GALNS: variants seen among roughly 807,000 people sequenced by gnomAD.
The protein encoded by GALNS is N-acetylgalactosamine-6-sulfatase.
In GALNS, 65 loss-of-function variants were observed where a neutral mutation model predicts 65.9. The observed-to-expected ratio is 0.99, with a 90% CI of 0.81 to 1.21. The LOEUF is 1.21. Among genes scored for constraint, GALNS ranks in the 50% most tolerant of loss-of-function variants. The pLI is 0.00. For synonymous variants in GALNS, 346 were observed against 288.9 expected (o/e 1.20, Z -2.00); for missense variants, 776 against 700.7 (o/e 1.11, Z -1.21).
chr16:88,850,496 T>C (rs1483319320), intron 1 of GALNS, among the ~76,000 whole-genome samples: 2 of 152,128 alleles, frequency 1.3e-5, no homozygotes, highest in African/African-American at 4.8e-5. Flanking sequence ...CAGAAAATAC[T>C]GCGGGGAGGA....
At chr16:88,819,724 C>A (rs1027329011) in intron 12 of GALNS, among the ~76,000 whole-genome samples, 1 of 152,024 alleles carries the variant, frequency 6.6e-6, no homozygotes, top group African/African-American at 2.4e-5. Flanking sequence ...GAGAGAGTCT[C>A]GCGCTGTCAC....
intron 1 of GALNS, among the ~76,000 whole-genome samples, chr16:88,853,607 C>T (rs566560773): frequency 2.6e-5 from 4 of 152,304 alleles, no homozygotes; most frequent in South Asian, 2.1e-4. Context: ...GTGCTGCTCG[C>T]CCTGGGAGGC....
intron 1 of GALNS, chr16:88,843,144 C>A (rs1967065822): frequency 1.4e-6 from 2 of 1,424,232 alleles, no homozygotes; most frequent in Non-Finnish European, 1.9e-6. Context: ...CTGCCTCCTC[C>A]CAGCCTGACA....
chr16:88,842,586 C>G lies in GALNS; in HGVS notation c.244+120G>C, dbSNP rs561874894. On this transcript the variant is annotated intron_variant, in intron 2 of 13. Transcript: ENST00000268695. ...GGCCTGAGCCCACCTGCCACCCTCC[C>G]TGCAGTAGTAGGAATAGACAAGGTT... 235 of 1,277,594 alleles carry G rather than the reference C, an allele frequency of 1.8e-4. No individual in the cohort carries two copies. The East Asian group carries it at 5.9e-3, about 32-fold the overall frequency. 79.1% of individuals were successfully genotyped at this position (1,277,594 alleles called of 1,614,324 possible).
rs2143002474 is a variant in GALNS at position 88,837,766 on chromosome 16, C to T, written c.423-1G>A. ...GAACTGGGGCCTGTGACCCAGATGC[C>T]TGGAAACAGGAACCCAGGACACTTC... is the stretch of plus-strand genomic sequence containing the variant. On this transcript the variant is annotated splice_acceptor_variant, in intron 4 of 13. Coordinates refer to ENST00000268695, the MANE Select transcript of GALNS (RefSeq NM_000512.5). LOFTEE classifies it high-confidence loss of function. 6.2e-7 allele frequency: 1 copy of T among 1,613,940 alleles called. No individual in the cohort carries two copies. The highest frequency in any genetic ancestry group is 1.1e-5 in the South Asian group (1 of 91,084).
intron 1 of GALNS, among the ~76,000 whole-genome samples, chr16:88,846,509 C>CTTTTTTTTTTTTTTT (rs59223444): frequency 1.1e-5 from 1 of 88,696 alleles, no homozygotes; most frequent in Non-Finnish European, 2.1e-5. Context: ...GCGTTTCTGG[C>CTTTTTTTTTTTTTTT]TTTTTTTTTT....
chr16:88,849,350 T>C (rs1484974031), intron 1 of GALNS, among the ~76,000 whole-genome samples: 2 of 152,136 alleles, frequency 1.3e-5, no homozygotes, highest in Non-Finnish European at 2.9e-5. Flanking sequence ...AGTGGCGTGG[T>C]CTTGGCTCAC....
chr16:88,837,538 G>A, intron 5 of GALNS, 84 bp downstream of exon 5: 1 of 1,442,402 alleles, frequency 6.9e-7, no homozygotes, highest in Non-Finnish European at 9.7e-7. Context: ...GGCGACTTGA[G>A]CCCACCAGTG....
intron 10 of GALNS, among the ~76,000 whole-genome samples, chr16:88,825,757 C>T (rs1177920646): frequency 6.6e-6 from 1 of 152,056 alleles, no homozygotes. Flanking sequence ...GAGTCAGGAA[C>T]GGGGAGTGGG....
intron 10 of GALNS, among the ~76,000 whole-genome samples, chr16:88,825,573 GGGCA>G (rs1910798184): frequency 3.5e-5 from 3 of 84,640 alleles, no homozygotes; most frequent in Admixed American, 2.6e-4. Flanking sequence ...TGGGATTCCT[GGGCA>G]GCTGGGGCTG....
At chr16:88,826,164 C>T (rs1349745549) in intron 10 of GALNS, among the ~76,000 whole-genome samples, 2 of 147,068 alleles carry the variant, frequency 1.4e-5, no homozygotes. Flanking sequence ...GCAGCGTGTG[C>T]CCGGGCTACA....
rs986135484 is a variant in GALNS at position 88,813,891 on chromosome 16, C to T, written c.*548G>A. Reference sequence around the variant, plus strand: ...TGGAAGTCATCCCTCTGGGGCTCCCCTGAGACAAACGCTTATATGATTGCC... The same window carrying T: ...TGGAAGTCATCCCTCTGGGGCTCCCTTGAGACAAACGCTTATATGATTGCC... On this transcript the variant is annotated 3_prime_UTR_variant, in exon 14 of 14. Transcript: ENST00000268695. The T allele has an allele frequency of 1.1e-5, 2 of 174,146 alleles. No homozygotes were observed. The highest frequency in any genetic ancestry group is 4.8e-5 in the African/African-American group (2 of 42,070). 10.8% of individuals were successfully genotyped at this position (174,146 alleles called of 1,614,324 possible). A position where few individuals can be genotyped will look rare whatever the true frequency, so the allele number is the denominator to read the frequency against.
chr16:88,851,251 C>G (rs9888909), intron 1 of GALNS, among the ~76,000 whole-genome samples: 1 of 152,080 alleles, frequency 6.6e-6, no homozygotes, highest in Non-Finnish European at 1.5e-5. Context: ...CAGTGGTTCA[C>G]GTCTGTTATC....
intron 12 of GALNS, among the ~76,000 whole-genome samples, 164 bp from the exon 13 acceptor site, chr16:88,818,288 G>A (rs1909850761): frequency 6.6e-6 from 1 of 152,212 alleles, no homozygotes; most frequent in Admixed American, 6.5e-5. Flanking sequence ...GGCCTCGCTA[G>A]GACAGGCAGC....
intron 5 of GALNS, among the ~76,000 whole-genome samples, chr16:88,837,172 G>C (rs891186475): frequency 6.6e-6 from 1 of 152,186 alleles, no homozygotes; most frequent in African/African-American, 2.4e-5. Context: ...CTGCCCCCAC[G>C]CCCGGGCACC....
chr16:88,817,998 G>A lies in GALNS; in HGVS notation c.1482+9C>T. On this transcript the variant is annotated intron_variant, in intron 13 of 13. Coordinates refer to ENST00000268695, the MANE Select transcript of GALNS (RefSeq NM_000512.5). Reference sequence around the variant, plus strand: ...CAAAGAGACGGCCGCCCACACACCAGCCACTTACCATGACCGCCCAGTTGC... The same window carrying A: ...CAAAGAGACGGCCGCCCACACACCAACCACTTACCATGACCGCCCAGTTGC... 3 of 1,572,940 alleles carry A rather than the reference G, an allele frequency of 1.9e-6. No homozygotes were observed. The highest frequency in any genetic ancestry group is 2.6e-6 in the Non-Finnish European group (3 of 1,164,294).
rs1006934152 is a variant in GALNS at position 88,856,524 on chromosome 16, C to T, written c.120+234G>A. 1.4e-5 allele frequency: 10 copies of T among 697,578 alleles called. No individual in the cohort carries two copies. In the Admixed American group the frequency reaches 1.8e-4, roughly 13 times the overall value. 43.2% of individuals were successfully genotyped at this position (697,578 alleles called of 1,614,324 possible). ...GTGGTGATCGGTGACCGCCGAGACC[C>T]CACGCCTGGACCCCGCGGCCACTCC... On this transcript the variant is annotated intron_variant, in intron 1 of 13. Transcript: ENST00000268695.
intron 11 of GALNS, among the ~76,000 whole-genome samples, chr16:88,824,362 G>T (rs528916675): frequency 1.3e-5 from 2 of 152,174 alleles, no homozygotes; most frequent in African/African-American, 4.8e-5. Context: ...CACACTGGGG[G>T]TTGCTGTGGT....
chr16:88,854,650 G>A (rs1317416188), intron 1 of GALNS, among the ~76,000 whole-genome samples: 3 of 152,214 alleles, frequency 2.0e-5, no homozygotes, highest in Admixed American at 1.3e-4. Flanking sequence ...CCTCCCACTG[G>A]GTCTGCTGAC....
Sources: allele counts gnomAD v4.1 joint callset (sites outside exome capture counted in the v4.1 genomes callset), GRCh38; gene constraint gnomAD v4.1.1; transcripts MANE v1.5; gene names NCBI Gene and HGNC (gene_info 2026-07-23, HGNC 2026-07-21).